SLC1A2: variants seen among roughly 807,000 people sequenced by gnomAD.
The protein encoded by SLC1A2 is excitatory amino acid transporter 2.
In SLC1A2, 15 loss-of-function variants were observed where a neutral mutation model predicts 48.8. The observed-to-expected ratio is 0.31, with a 90% confidence interval of 0.21 to 0.47. The LOEUF is 0.47. Ranked by LOEUF, SLC1A2 falls within the 20% of genes least tolerant of loss-of-function variation. The probability of loss-of-function intolerance (pLI) is 0.99; values close to 1 mark genes in which losing one functional copy is unlikely to be tolerated. For synonymous variants in SLC1A2, 279 were observed against 272.6 expected (o/e 1.02, Z -0.23); for missense variants, 502 against 730.5 (o/e 0.69, Z 3.61).
intron 1 of SLC1A2, among the ~76,000 whole-genome samples, chr11:35,376,919 T>C (rs1854255745): frequency 6.6e-6 from 1 of 152,192 alleles, no homozygotes; most frequent in African/African-American, 2.4e-5. Flanking sequence ...AAAGCCTGGA[T>C]CACTTGGAGG....
intron 6 of SLC1A2, among the ~76,000 whole-genome samples, chr11:35,294,257 T>C (rs1851101756): frequency 6.6e-6 from 1 of 152,200 alleles, no homozygotes; most frequent in Non-Finnish European, 1.5e-5. Context: ...ACAAATTAGT[T>C]AAACTAACAT....
At chr11:35,322,727 A>G in intron 1 of SLC1A2, 1 of 1,041,158 alleles carries the variant, frequency 9.6e-7, no homozygotes, top group Non-Finnish European at 1.4e-6. Flanking sequence ...CTCTCCCGTA[A>G]GACAGTTGTT....
At chr11:35,395,105 G>A (rs189468967) in intron 1 of SLC1A2, among the ~76,000 whole-genome samples, 84 of 152,190 alleles carry the variant, frequency 5.5e-4, no homozygotes, top group African/African-American at 1.9e-3. Flanking sequence ...GGCTCTCCCT[G>A]AGTAGGGAGG....
intron 9 of SLC1A2, 128 bp from the exon 10 acceptor site, chr11:35,265,886 G>T (rs575933410): frequency 4.8e-6 from 3 of 620,324 alleles, no homozygotes; most frequent in East Asian, 5.4e-5. Flanking sequence ...GCCTGATTTG[G>T]GGCAAGTTAC....
At position 35,252,362 on chromosome 11, in the gene SLC1A2, G is replaced by A. The variant is rs776473957; in HGVS notation, c.*8532C>T. ...ATGCACAGAGTCAGACTAACTTTTTGTTCCTCTGAGCCCAATCCACCAAGC... is the reference window on the plus strand; with the variant it reads ...ATGCACAGAGTCAGACTAACTTTTTATTCCTCTGAGCCCAATCCACCAAGC... On this transcript the variant is annotated 3_prime_UTR_variant, in exon 11 of 11. Transcript: ENST00000278379. The A allele has an allele frequency of 6.6e-6, 1 of 152,084 alleles. No homozygotes were observed. The highest frequency in any genetic ancestry group is 2.4e-5 in the African/African-American group (1 of 41,416). The allele number at this position is 152,084 out of a possible 1,614,324, so 9.4% of individuals were successfully genotyped here.
chr11:35,358,893 G>A (rs907477485), intron 1 of SLC1A2, among the ~76,000 whole-genome samples: 1 of 152,154 alleles, frequency 6.6e-6, no homozygotes, highest in African/African-American at 2.4e-5. Flanking sequence ...CACACTCTAC[G>A]TTGCAAGAGG....
At chr11:35,276,718 T>C (rs1417824434) in intron 9 of SLC1A2, among the ~76,000 whole-genome samples, 1 of 152,216 alleles carries the variant, frequency 6.6e-6, no homozygotes, top group Non-Finnish European at 1.5e-5. Context: ...CCACTGGGGC[T>C]GGAAGACTTG....
intron 1 of SLC1A2, among the ~76,000 whole-genome samples, chr11:35,319,641 G>A (rs985409771): frequency 1.3e-5 from 2 of 152,198 alleles, no homozygotes; most frequent in African/African-American, 4.8e-5. Context: ...ATGTCAAAGT[G>A]AAAACACACA....
At position 35,255,047 on chromosome 11, in the gene SLC1A2, G is replaced by GA; in HGVS notation, c.*5846dup. 1 of 297,052 alleles carries GA rather than the reference G, an allele frequency of 3.4e-6. No homozygotes were observed. Among genetic ancestry groups the GA allele is most frequent in the South Asian group, 2.9e-5 (1 of 34,634 alleles). The allele number at this position is 297,052 out of a possible 1,614,324, so 18.4% of individuals were successfully genotyped here. A position where few individuals can be genotyped will look rare whatever the true frequency, so the allele number is the denominator to read the frequency against. On this transcript the variant is annotated 3_prime_UTR_variant, in exon 11 of 11. Transcript: ENST00000278379. ...TTGCATCAGGTTTTTTGCACTAATG[G>GA]AAAAAAGCCGGCCGAAAAACAAAAC...
chr11:35,298,390 A>G (rs1203360343), intron 6 of SLC1A2: 3 of 152,326 alleles, frequency 2.0e-5, no homozygotes, highest in Non-Finnish European at 4.4e-5. Context: ...TATTATTACT[A>G]TTATAACTGC....
rs942431642 is a variant in SLC1A2 at position 35,266,482 on chromosome 11, G to T, written c.1422-724C>A. 2.6e-5 allele frequency among the ~76,000 whole-genome samples: 4 copies of T among 152,142 alleles called. No homozygotes were observed. The South Asian group carries it at 8.3e-4, about 31-fold the overall frequency. ...TGTTTCTGGAATCAGGAAATGTTAA[G>T]AAAATCCTTCTCCCCGTCTTGAGTT... On this transcript the variant is annotated intron_variant, in intron 9 of 10. Coordinates refer to ENST00000278379, the MANE Select transcript of SLC1A2 (RefSeq NM_004171.4).
chr11:35,322,415 C>T, intron 1 of SLC1A2: 1 of 611,290 alleles, frequency 1.6e-6, no homozygotes, highest in South Asian at 2.0e-5. Flanking sequence ...CTGCTGCACA[C>T]TTCAGTGTCA....
intron 8 of SLC1A2, among the ~76,000 whole-genome samples, chr11:35,281,576 A>T (rs1030217645): frequency 1.3e-5 from 2 of 152,202 alleles, no homozygotes; most frequent in South Asian, 4.1e-4. Context: ...ATGCCTCACC[A>T]TGGGCTGGAA....
intron 1 of SLC1A2, among the ~76,000 whole-genome samples, chr11:35,319,532 G>A (rs1851993475): frequency 6.6e-6 from 1 of 152,120 alleles, no homozygotes; most frequent in South Asian, 2.1e-4. Flanking sequence ...TGAGAATCAG[G>A]CACATGGTTG....
chr11:35,280,681 A>T lies in SLC1A2; in HGVS notation c.1421+186T>A. ...CCTCCACTAGACTGTGACGCCTTCA[A>T]ATATTTCATCTTTTTCTTCTTTGGT... is the stretch of plus-strand genomic sequence containing the variant. On this transcript the variant is annotated intron_variant, in intron 9 of 10. Coordinates refer to ENST00000278379, the MANE Select transcript of SLC1A2 (RefSeq NM_004171.4). 6 of 520,704 alleles carry T rather than the reference A, an allele frequency of 1.2e-5. No homozygotes were observed. The South Asian group carries it at 2.1e-4, about 18-fold the overall frequency. 32.3% of individuals were successfully genotyped at this position (520,704 alleles called of 1,614,324 possible). A position where few individuals can be genotyped will look rare whatever the true frequency, so the allele number is the denominator to read the frequency against.
intron 1 of SLC1A2, among the ~76,000 whole-genome samples, chr11:35,398,551 G>A (rs548666991): frequency 7.9e-5 from 12 of 152,242 alleles, no homozygotes; most frequent in South Asian, 6.2e-4. Context: ...ACAAAACTAC[G>A]TATCAGGTAC....
chr11:35,260,809 CT>C lies in SLC1A2; in HGVS notation c.*84del, dbSNP rs1222470850. 3.1e-5 allele frequency: 32 copies of C among 1,021,538 alleles called. No individual in the cohort carries two copies. Among genetic ancestry groups the C allele is most frequent in the Non-Finnish European group, 4.8e-5 (31 of 652,140 alleles). 63.3% of individuals were successfully genotyped at this position (1,021,538 alleles called of 1,614,324 possible). ...ACATAGAAATATACGCATTTTTTTCCTTTTTAAAGAAAGCTTGTTTATATCA... is the reference window on the plus strand; with the variant it reads ...ACATAGAAATATACGCATTTTTTTCCTTTTAAAGAAAGCTTGTTTATATCA... On this transcript the variant is annotated 3_prime_UTR_variant, in exon 11 of 11. Transcript: ENST00000278379.
intron 1 of SLC1A2, among the ~76,000 whole-genome samples, chr11:35,325,003 C>T (rs1852193815): frequency 6.6e-6 from 1 of 152,234 alleles, no homozygotes; most frequent in South Asian, 2.1e-4. Flanking sequence ...CAGCCTAGTC[C>T]CCAAAGGCCT....
chr11:35,384,243 C>T (rs531367937), intron 1 of SLC1A2, among the ~76,000 whole-genome samples: 116 of 152,212 alleles, frequency 7.6e-4, no homozygotes, highest in African/African-American at 2.6e-3. Flanking sequence ...GATTCATCAA[C>T]GAAGTCAGTG....
Sources: allele counts gnomAD v4.1 joint callset (sites outside exome capture counted in the v4.1 genomes callset), GRCh38; gene constraint gnomAD v4.1.1; transcripts MANE v1.5; gene names NCBI Gene and HGNC (gene_info 2026-07-23, HGNC 2026-07-21).